The following ARHGAP42 variants were observed in gnomAD, a reference collection of about 807,000 sequenced individuals.
ARHGAP42 encodes Rho GTPase activating protein 42, also known as rho GTPase-activating protein 42.
A neutral mutation model predicts 125.0 loss-of-function variants in ARHGAP42; 63 were observed. That is an observed-to-expected ratio of 0.50 (90% confidence interval 0.41 to 0.62). ARHGAP42 has a LOEUF of 0.62. Ranked by LOEUF, ARHGAP42 falls within the 20% of genes least tolerant of loss-of-function variation. ARHGAP42 has a pLI of 0.00. For missense variants in ARHGAP42, 766 were observed against 1,024.2 expected, an observed-to-expected ratio of 0.75 and a Z score of 3.44; for synonymous variants, 339 against 351.0, an observed-to-expected ratio of 0.97 and a Z score of 0.38.
chr11:100,914,098 C>T (rs1176246778), intron 5 of ARHGAP42, among the ~76,000 whole-genome samples: 1 of 151,990 alleles, frequency 6.6e-6, no homozygotes, highest in Admixed American at 6.6e-5. Flanking sequence ...CCAAGCCCAG[C>T]TAATTTTTGT....
intron 1 of ARHGAP42, among the ~76,000 whole-genome samples, chr11:100,761,952 A>C (rs1437018293): frequency 6.6e-6 from 1 of 152,220 alleles, no homozygotes; most frequent in Non-Finnish European, 1.5e-5. Context: ...AGAGGGGCTA[A>C]GTACTTGCTC....
Position 100,859,756 on chromosome 11 carries a change from A to C in ARHGAP42, c.384+131A>C, listed in dbSNP as rs933139156. 1.2e-4 allele frequency: 78 copies of C among 630,226 alleles called. No individual in the cohort carries two copies. In the African/African-American group the frequency reaches 1.4e-3, roughly 11 times the overall value. The allele number at this position is 630,226 out of a possible 1,614,324, so 39.0% of individuals were successfully genotyped here. ...TTGTACATCATTTAAAACTTTTTGC[A>C]TAGAGACTTAACAAAGACTGGACTT... On this transcript the variant is annotated intron_variant, in intron 4 of 23. Transcript: ENST00000298815.
chr11:100,948,362 C>T (rs549216572), intron 10 of ARHGAP42, 95 bp from the exon 11 acceptor site: 2 of 805,284 alleles, frequency 2.5e-6, no homozygotes, highest in Non-Finnish European at 3.4e-6. Flanking sequence ...TCTCTTTTCT[C>T]TTAACTTTTT....
In ARHGAP42 at chr11:100,993,940, A is replaced by C. The variant is rs1352746751; in HGVS notation, c.*5139A>C. The C allele has an allele frequency of 1.2e-5, 2 of 167,064 alleles. No individual in the cohort carries two copies. The highest frequency in any genetic ancestry group is 3.8e-4 in the East Asian group (2 of 5,198). 10.3% of individuals were successfully genotyped at this position (167,064 alleles called of 1,614,324 possible). On this transcript the variant is annotated 3_prime_UTR_variant, in exon 24 of 24. Coordinates refer to ENST00000298815, the MANE Select transcript of ARHGAP42 (RefSeq NM_152432.4). ...AAAATAAACTTTGTAAGCAGATTTT[A>C]ATTTAGTCTTTGTACTTGAAGACCC...
At chr11:100,722,089 A>G (rs1039460047) in intron 1 of ARHGAP42, among the ~76,000 whole-genome samples, 1 of 152,170 alleles carries the variant, frequency 6.6e-6, no homozygotes, top group South Asian at 2.1e-4. Context: ...CTGTTGCTGT[A>G]TATCCTTGCC....
intron 2 of ARHGAP42, among the ~76,000 whole-genome samples, chr11:100,789,083 T>C (rs921882470): frequency 9.2e-5 from 14 of 152,212 alleles, no homozygotes; most frequent in Non-Finnish European, 1.9e-4. Flanking sequence ...TTATATCCGA[T>C]TTAAGTGGTA....
intron 4 of ARHGAP42, among the ~76,000 whole-genome samples, chr11:100,870,693 T>C (rs1565251322): frequency 6.6e-6 from 1 of 152,174 alleles, no homozygotes. Context: ...CTCAATAAAA[T>C]TGGAAACACT....
intron 3 of ARHGAP42, among the ~76,000 whole-genome samples, chr11:100,833,338 A>G (rs931195763): frequency 1.3e-5 from 2 of 152,238 alleles, no homozygotes; most frequent in African/African-American, 4.8e-5. Flanking sequence ...GAAGAAATAC[A>G]TAAGATAGTA....
chr11:100,848,488 TTTTCTTTTTCTTTC>T (rs1865124677), intron 3 of ARHGAP42, among the ~76,000 whole-genome samples: 1 of 151,750 alleles, frequency 6.6e-6, no homozygotes, highest in Non-Finnish European at 1.5e-5. Context: ...AGGAGCTAAC[TTTTCTTTTTCTTTC>T]TTTCTTTTTT....
chr11:100,976,468 C>T, intron 20 of ARHGAP42, 31 bp downstream of exon 20: 1 of 1,490,020 alleles, frequency 6.7e-7, no homozygotes, highest in Non-Finnish European at 8.9e-7. Context: ...TGCAAGATGT[C>T]ATTGTCTCAG....
intron 1 of ARHGAP42, among the ~76,000 whole-genome samples, chr11:100,746,244 T>C (rs112480588): frequency 0.026 from 3,902 of 152,328 alleles, 65 homozygotes; most frequent in Non-Finnish European, 0.031. Context: ...AGTTTCCTTC[T>C]TGTCATGGGA....
At chr11:100,877,063 G>T (rs748382122) in intron 4 of ARHGAP42, among the ~76,000 whole-genome samples, 10 of 152,196 alleles carry the variant, frequency 6.6e-5, no homozygotes, top group Non-Finnish European at 1.0e-4. Flanking sequence ...GGTAAATGTG[G>T]TTAACTGGTC....
chr11:100,894,883 C>T (rs1278974362), intron 4 of ARHGAP42, among the ~76,000 whole-genome samples: 9 of 152,156 alleles, frequency 5.9e-5, no homozygotes, highest in African/African-American at 2.2e-4. Flanking sequence ...TCCTACCGGT[C>T]GATGACCTTA....
At chr11:100,694,380 A>G (rs1861240149) in intron 1 of ARHGAP42, among the ~76,000 whole-genome samples, 2 of 152,240 alleles carry the variant, frequency 1.3e-5, no homozygotes, top group Non-Finnish European at 1.5e-5. Flanking sequence ...CAACACTGAA[A>G]TGTTTATTTT....
At chr11:100,885,651 T>C (rs193045905) in intron 4 of ARHGAP42, among the ~76,000 whole-genome samples, 15 of 152,348 alleles carry the variant, frequency 9.8e-5, no homozygotes, top group African/African-American at 3.6e-4. Context: ...TTGTCATTGA[T>C]TTATCAAATA....
intron 3 of ARHGAP42, 66 bp from the exon 4 acceptor site, chr11:100,859,488 C>G: frequency 1.5e-6 from 2 of 1,334,578 alleles, no homozygotes; most frequent in Non-Finnish European, 2.1e-6. Flanking sequence ...GATAAAGTAG[C>G]CATTTTTTCA....
At chr11:100,835,045 G>A (rs1186036761) in intron 3 of ARHGAP42, among the ~76,000 whole-genome samples, 1 of 152,080 alleles carries the variant, frequency 6.6e-6, no homozygotes, top group East Asian at 1.9e-4. Flanking sequence ...ACATTAGATT[G>A]CACATTTTCC....
chr11:100,688,882 G>C (rs1308139445), intron 1 of ARHGAP42, among the ~76,000 whole-genome samples: 1 of 152,286 alleles, frequency 6.6e-6, no homozygotes, highest in African/African-American at 2.4e-5. Context: ...ACTTTCAAAA[G>C]GTAGAGAGAC....
intron 12 of ARHGAP42, among the ~76,000 whole-genome samples, chr11:100,957,704 G>A (rs1456805784): frequency 1.3e-5 from 2 of 152,038 alleles, no homozygotes; most frequent in Non-Finnish European, 2.9e-5. Flanking sequence ...AGGATCCATG[G>A]AATATGTCAG....
Sources: gnomAD v4.1 joint callset for allele counts (sites outside exome capture counted in the v4.1 genomes callset) on GRCh38, gnomAD v4.1.1 for gene constraint, MANE v1.5 for transcripts, NCBI Gene and HGNC (gene_info 2026-07-23, HGNC 2026-07-21) for gene names.